The following STAB2 variants were observed in gnomAD, a reference collection of about 807,000 sequenced individuals.
STAB2 encodes stabilin-2.
Under a neutral mutation model 338.1 loss-of-function variants are expected in STAB2, and 288 were observed. The ratio of observed to expected loss-of-function variants is 0.85; its 90% CI spans 0.77 to 0.94. STAB2 has a LOEUF of 0.94. Among genes scored for constraint, STAB2 ranks in the 40% least tolerant of loss-of-function variants. The pLI is 0.00. For missense variants in STAB2, 3,141 were observed against 3,210.1 expected (o/e 0.98, Z 0.52); for synonymous variants, 1,202 against 1,193.3 (o/e 1.01, Z -0.15).
At chr12:103,732,066 T>C (rs1010655094) in intron 50 of STAB2, among the ~76,000 whole-genome samples, 12 of 152,202 alleles carry the variant, frequency 7.9e-5, no homozygotes, top group African/African-American at 2.9e-4. Flanking sequence ...TTCAGCACTT[T>C]GGGAGGCCAA....
intron 49 of STAB2, among the ~76,000 whole-genome samples, chr12:103,730,600 G>A (rs1165808688): frequency 1.3e-5 from 2 of 152,084 alleles, no homozygotes; most frequent in Non-Finnish European, 2.9e-5. Context: ...TATTAATATA[G>A]GTCAAGGTCT....
chr12:103,699,321 A>T, intron 34 of STAB2, 94 bp downstream of exon 34: 1 of 1,466,752 alleles, frequency 6.8e-7, no homozygotes, highest in Non-Finnish European at 9.2e-7. Flanking sequence ...GTCATCCTTC[A>T]TCACTTCTGT....
chr12:103,735,469 C>T (rs772615571), intron 51 of STAB2, 22 bp from the exon 52 acceptor site: 14 of 1,564,222 alleles, frequency 9.0e-6, no homozygotes, highest in Admixed American at 3.9e-5. Context: ...GGGGCAGTCA[C>T]GTGGTGCCAT....
chr12:103,728,178 G>A (rs1881359357), intron 47 of STAB2, among the ~76,000 whole-genome samples: 1 of 152,178 alleles, frequency 6.6e-6, no homozygotes, highest in South Asian at 2.1e-4. Context: ...TTGAGACAGG[G>A]TCTTGCTCTG....
At chr12:103,657,930 A>C (rs1874315381) in intron 15 of STAB2, 1 of 152,220 alleles carries the variant, frequency 6.6e-6, no homozygotes, top group Non-Finnish European at 1.5e-5. Context: ...CTTTAGAAGA[A>C]GGGCTTCTAA....
intron 15 of STAB2, among the ~76,000 whole-genome samples, chr12:103,659,236 G>T (rs1874418516): frequency 6.6e-6 from 1 of 152,202 alleles, no homozygotes; most frequent in Non-Finnish European, 1.5e-5. Flanking sequence ...GAATGGAGGT[G>T]CCAGGACAAT....
intron 3 of STAB2, among the ~76,000 whole-genome samples, chr12:103,608,460 A>T (rs151004354): frequency 6.6e-6 from 1 of 152,094 alleles, no homozygotes; most frequent in African/African-American, 2.4e-5. Context: ...GCATTTTTTC[A>T]TGTGTCTTTT....
intron 3 of STAB2, among the ~76,000 whole-genome samples, chr12:103,600,304 C>G (rs984472957): frequency 6.6e-6 from 1 of 152,182 alleles, no homozygotes; most frequent in African/African-American, 2.4e-5. Context: ...ATGGGTCACA[C>G]TGATGTCTCA....
In STAB2 at chr12:103,689,905, C is replaced by A. The variant is rs1877773629; in HGVS notation, c.3105C>A (p.Ser1035=). The A allele has an allele frequency of 6.2e-7, 1 of 1,614,026 alleles. No homozygotes were observed. The highest frequency in any genetic ancestry group is 1.3e-5 in the African/African-American group (1 of 74,904). Residue 1035 remains serine, a synonymous_variant, in exon 29 of 69, where the codon TCC becomes TCA. Coordinates refer to ENST00000388887, the MANE Select transcript of STAB2 (RefSeq NM_017564.10). The part of the protein sequence containing the change: ...ATSNLTVLVP[S]QQATEDMDQD... Reference sequence around the variant, plus strand: ...CAAACCTCACTGTCCTCGTGCCTTCCCAACAAGCTACTGAGGACATGGACC... The same window carrying A: ...CAAACCTCACTGTCCTCGTGCCTTCACAACAAGCTACTGAGGACATGGACC...
intron 65 of STAB2, among the ~76,000 whole-genome samples, chr12:103,761,047 C>G (rs764581431): frequency 6.6e-6 from 1 of 152,194 alleles, no homozygotes; most frequent in Non-Finnish European, 1.5e-5. Context: ...CTTCTGATCA[C>G]TCATCTGTCA....
chr12:103,587,576 A>T lies in STAB2; in HGVS notation c.81+19A>T. 1 of 1,598,418 alleles carries T rather than the reference A, an allele frequency of 6.3e-7. No homozygotes were observed. Among genetic ancestry groups the T allele is most frequent in the Non-Finnish European group, 8.6e-7 (1 of 1,166,754 alleles). On this transcript the variant is annotated intron_variant, in intron 1 of 68. Transcript: ENST00000388887. ...AGGGCAGGTAAGAGGAGACTTACAT[A>T]TTTTTTTCATTTGTTAATTGTCATG...
At chr12:103,735,601 TGGGCAGGGA>T in intron 52 of STAB2, 21 bp downstream of exon 52, 2 of 494,200 alleles carry the variant, frequency 4.0e-6, no homozygotes, top group Non-Finnish European at 7.9e-6. Context: ...TCATGAAGGG[TGGGCAGGGA>T]GGGGTTAACA....
intron 65 of STAB2, among the ~76,000 whole-genome samples, chr12:103,760,343 C>T (rs1377759672): frequency 6.6e-6 from 1 of 152,178 alleles, no homozygotes; most frequent in African/African-American, 2.4e-5. Flanking sequence ...TCACTGCAAC[C>T]TCCCCCTCCT....
At chr12:103,627,055 G>A (rs1431490380) in intron 5 of STAB2, among the ~76,000 whole-genome samples, 1 of 152,196 alleles carries the variant, frequency 6.6e-6, no homozygotes, top group East Asian at 1.9e-4. Context: ...GATTTCTTTG[G>A]ATCCTCACTA....
rs753754183 is a variant in STAB2, at chr12:103,746,722, A to G, written c.6244+18A>G. 5 of 1,611,664 alleles carry G rather than the reference A, an allele frequency of 3.1e-6. No homozygotes were observed. In the South Asian group the frequency reaches 3.3e-5, roughly 11 times the overall value. Reference sequence around the variant, plus strand: ...ATGCACAGGTAAGCCACCTTTGTGCACAGGTGAAATAGCAGCATGGTGTGG... The same window carrying G: ...ATGCACAGGTAAGCCACCTTTGTGCGCAGGTGAAATAGCAGCATGGTGTGG... On this transcript the variant is annotated intron_variant, in intron 58 of 68. Coordinates refer to ENST00000388887, the MANE Select transcript of STAB2 (RefSeq NM_017564.10).
At position 103,742,547 on chromosome 12, in the gene STAB2, TTGTC is replaced by T. The variant is rs765743446; in HGVS notation, c.6027_6030del (p.Leu2010ProfsTer114). 17 of 1,614,144 alleles carry T rather than the reference TTGTC, an allele frequency of 1.1e-5. No individual in the cohort carries two copies. Among genetic ancestry groups the T allele is most frequent in the East Asian group, 4.5e-5 (2 of 44,880 alleles). On this transcript the variant is annotated frameshift_variant, in exon 56 of 69. Coordinates refer to ENST00000388887, the MANE Select transcript of STAB2 (RefSeq NM_017564.10). LOFTEE classifies it high-confidence loss of function. ...GCTGGCCGGGGAGATTCGGGCCTGA[TTGTC>T]TGCGTATGTGGCGCCGCTTCTCCGT...
At chr12:103,738,948 G>C (rs1738013893) in intron 53 of STAB2, among the ~76,000 whole-genome samples, 1 of 152,024 alleles carries the variant, frequency 6.6e-6, no homozygotes, top group South Asian at 2.1e-4. Context: ...GGCAAAGTTA[G>C]TGTGTGTGTG....
intron 36 of STAB2, among the ~76,000 whole-genome samples, chr12:103,705,294 C>G (rs1879244072): frequency 6.6e-6 from 1 of 152,134 alleles, no homozygotes; most frequent in African/African-American, 2.4e-5. Context: ...TCAATAGAAA[C>G]CAAAGTTCAG....
chr12:103,735,530 A>G lies in STAB2; in HGVS notation c.5500A>G (p.Thr1834Ala), dbSNP rs781559647. 1.9e-6 allele frequency: 3 copies of G among 1,574,746 alleles called. No homozygotes were observed. Among genetic ancestry groups the G allele is most frequent in the Admixed American group, 3.4e-5 (2 of 58,354 alleles). ...TCTTCCCACATCCACTGCCTGGAAG[A>G]CCCTGCAAGGTTCAGAGCTGAGTGT... ...VDLPTSTAWK[T>A]LQGSELSVKC... Residue 1834 changes from threonine (T) to alanine (A), a missense_variant, in exon 52 of 69, where the codon ACC becomes GCC. By Grantham distance (58) the Thr-to-Ala change is moderately conservative. Coordinates refer to ENST00000388887, the MANE Select transcript of STAB2 (RefSeq NM_017564.10).
Sources: allele counts gnomAD v4.1 joint callset (sites outside exome capture counted in the v4.1 genomes callset), GRCh38; gene constraint gnomAD v4.1.1; transcripts MANE v1.5; gene names NCBI Gene and HGNC (gene_info 2026-07-23, HGNC 2026-07-21).